Variants in ROBO2 observed in about 807,000 individuals in gnomAD.
The protein encoded by ROBO2 is roundabout homolog 2.
Under a neutral mutation model 160.8 loss-of-function variants are expected in ROBO2, and 53 were observed. The observed-to-expected ratio is 0.33, with a 90% CI of 0.26 to 0.41. The LOEUF (loss-of-function observed/expected upper bound fraction) is 0.41, where lower values mean the gene tolerates loss of function less well. Ranked by LOEUF, ROBO2 falls within the 10% of genes least tolerant of loss-of-function variation. The pLI is 1.00. For missense variants in ROBO2, 1,577 were observed against 1,722.4 expected, an observed-to-expected ratio of 0.92 and a Z score of 1.49; for synonymous variants, 664 against 611.7, an observed-to-expected ratio of 1.09 and a Z score of -1.26.
intron 24 of ROBO2, 78 bp from the exon 27 acceptor site, chr3:77,644,626 T>C (rs2095392744): frequency 8.2e-7 from 1 of 1,215,886 alleles, no homozygotes. Context: ...CCATTCACAG[T>C]GTTATATTCA....
chr3:77,294,204 C>G (rs80327028), intron 2 of ROBO2, among the ~76,000 whole-genome samples: 1 of 126,620 alleles, frequency 7.9e-6, no homozygotes, highest in African/African-American at 3.1e-5. Context: ...AAATTGACGG[C>G]TAAAAGGGTA....
At chr3:76,742,936 C>G (rs1044023659) in intron 2 of ROBO2, among the ~76,000 whole-genome samples, 2 of 151,860 alleles carry the variant, frequency 1.3e-5, no homozygotes, top group Non-Finnish European at 2.9e-5. Flanking sequence ...AGCTCTATGG[C>G]CAACAGTGTT....
At chr3:75,908,027 T>A (rs1219443969) in intron 1 of ROBO2, among the ~76,000 whole-genome samples, 4 of 152,092 alleles carry the variant, frequency 2.6e-5, no homozygotes, top group East Asian at 1.9e-4. Flanking sequence ...TCTGTTTTTT[T>A]AAAAAAATTC....
intron 2 of ROBO2, among the ~76,000 whole-genome samples, chr3:75,994,962 C>T (rs1281766607): frequency 6.6e-6 from 1 of 152,140 alleles, no homozygotes; most frequent in African/African-American, 2.4e-5. Flanking sequence ...TTTGCCCCTG[C>T]CCTAGAGATC....
intron 2 of ROBO2, among the ~76,000 whole-genome samples, chr3:76,390,787 A>G (rs982974364): frequency 6.6e-6 from 1 of 152,126 alleles, no homozygotes; most frequent in Non-Finnish European, 1.5e-5. Context: ...CTTGTGTTTC[A>G]ACCTATTCCA....
intron 2 of ROBO2, among the ~76,000 whole-genome samples, chr3:76,531,901 T>C (rs549867789): frequency 5.8e-4 from 88 of 152,236 alleles, no homozygotes; most frequent in African/African-American, 2.0e-3. Flanking sequence ...CCAAAACAGG[T>C]TTATCATAAT....
At chr3:76,476,510 C>T (rs1326400582) in intron 2 of ROBO2, among the ~76,000 whole-genome samples, 1 of 152,146 alleles carries the variant, frequency 6.6e-6, no homozygotes, top group African/African-American at 2.4e-5. Context: ...ACATCTCCAC[C>T]TACTTGCTGG....
rs73844030 is a variant in ROBO2, at chr3:76,741,066, G to A, written c.110-356948G>A. The stretch of plus-strand genomic sequence containing the variant: ...TGTTTACTATAATCTTTTCTAGCTG[G>A]TTCTACTTAGTCTGTTAGTCCCTGT... On this transcript the variant is annotated intron_variant, in intron 2 of 26. Transcript: ENST00000487694. Among the ~76,000 whole-genome samples the A allele has an allele frequency of 1.3e-3, 198 of 151,998 alleles. 2 individuals are homozygous for A. The highest frequency in any genetic ancestry group is 3.9e-3 in the African/African-American group (163 of 41,502).
chr3:77,008,689 G>A (rs1293110403), intron 2 of ROBO2, among the ~76,000 whole-genome samples: 13 of 152,242 alleles, frequency 8.5e-5, no homozygotes, highest in South Asian at 8.3e-4. Context: ...CTGAAAGATC[G>A]GGGTTAGAGA....
intron 2 of ROBO2, among the ~76,000 whole-genome samples, chr3:76,050,634 C>A (rs2067622853): frequency 6.6e-6 from 1 of 152,184 alleles, no homozygotes. Flanking sequence ...CACTGCCTCT[C>A]TTACAGTGTT....
chr3:77,453,541 A>G (rs564935893), intron 2 of ROBO2, among the ~76,000 whole-genome samples: 1 of 152,138 alleles, frequency 6.6e-6, no homozygotes, highest in East Asian at 1.9e-4. Flanking sequence ...TCCTCAATTT[A>G]CAGATGCTAA....
chr3:77,150,744 T>C (rs1159389283), intron 2 of ROBO2, among the ~76,000 whole-genome samples: 1 of 152,026 alleles, frequency 6.6e-6, no homozygotes, highest in Non-Finnish European at 1.5e-5. Flanking sequence ...TTTTTTTTAT[T>C]ATAAGAACAC....
chr3:77,211,351 A>G (rs2084125571), intron 2 of ROBO2, among the ~76,000 whole-genome samples: 1 of 152,058 alleles, frequency 6.6e-6, no homozygotes, highest in Admixed American at 6.6e-5. Flanking sequence ...GATGATGAGC[A>G]TTTTTTCATG....
chr3:77,607,694 C>A, intron 20 of ROBO2, 104 bp from the exon 22 acceptor site: 1 of 1,005,314 alleles, frequency 9.9e-7, no homozygotes, highest in Non-Finnish European at 1.6e-6. Context: ...ACAACTCCAA[C>A]ATACTGATTC....
At chr3:77,499,224 A>G (rs911868227) in intron 5 of ROBO2, among the ~76,000 whole-genome samples, 1 of 152,198 alleles carries the variant, frequency 6.6e-6, no homozygotes, top group African/African-American at 2.4e-5. Context: ...TGGAAATGAT[A>G]GTTGACAAAT....
rs141237698 is a variant in ROBO2 at position 75,918,095 on chromosome 3, C to T, written c.-14+11135C>T. Among the ~76,000 whole-genome samples the T allele has an allele frequency of 4.0e-3, 603 of 152,140 alleles. 9 individuals are homozygous for T. Among genetic ancestry groups the T allele is most frequent in the East Asian group, 0.037 (190 of 5,170 alleles). ...TCCAGTGCTGTTGGTGTTTTAGTCA[C>T]GAAGTCTTTGCCCACACCTGTGTCC... On this transcript the variant is annotated intron_variant, in intron 1 of 26. Coordinates refer to the ROBO2 transcript ENST00000487694.
At chr3:77,463,464 C>T (rs1475258747) in intron 2 of ROBO2, among the ~76,000 whole-genome samples, 1 of 152,046 alleles carries the variant, frequency 6.6e-6, no homozygotes, top group East Asian at 1.9e-4. Flanking sequence ...CTCGCTTATT[C>T]ATAGCGATGA....
intron 2 of ROBO2, among the ~76,000 whole-genome samples, chr3:76,672,055 C>G (rs542449676): frequency 1.3e-5 from 2 of 151,990 alleles, no homozygotes; most frequent in African/African-American, 4.8e-5. Context: ...ATAAGTGACC[C>G]TAAAAACATT....
At chr3:76,636,336 A>T (rs1036262272) in intron 2 of ROBO2, among the ~76,000 whole-genome samples, 1 of 152,228 alleles carries the variant, frequency 6.6e-6, no homozygotes, top group African/African-American at 2.4e-5. Flanking sequence ...TAATATTGAC[A>T]TCTGCCTGTC....
Sources: gnomAD v4.1 joint callset for allele counts (sites outside exome capture counted in the v4.1 genomes callset) on GRCh38, gnomAD v4.1.1 for gene constraint, MANE v1.5 for transcripts, NCBI Gene and HGNC (gene_info 2026-07-23, HGNC 2026-07-21) for gene names.